Variants in SGSM1 observed in about 807,000 individuals in gnomAD.
The protein encoded by SGSM1 is RUN and TBC1 domain containing 2.
In SGSM1, 73 loss-of-function variants were observed where a neutral mutation model predicts 133.8. That is an observed-to-expected ratio of 0.55 (90% CI 0.45 to 0.66). The LOEUF (loss-of-function observed/expected upper bound fraction) is 0.66, where lower values mean the gene tolerates loss of function less well. Ranked by LOEUF, SGSM1 falls within the 30% of genes least tolerant of loss-of-function variation. The pLI is 0.00. For synonymous variants in SGSM1, 563 were observed against 573.0 expected, an observed-to-expected ratio of 0.98 and a Z score of 0.25; for missense variants, 1,213 against 1,448.1, an observed-to-expected ratio of 0.84 and a Z score of 2.64.
At chr22:24,908,532 G>A (rs1293321862) in intron 21 of SGSM1, among the ~76,000 whole-genome samples, 1 of 152,202 alleles carries the variant, frequency 6.6e-6, no homozygotes, top group Non-Finnish European at 1.5e-5. Context: ...GCCAGGCGCG[G>A]TGGCTCACGC....
intron 4 of SGSM1, among the ~76,000 whole-genome samples, chr22:24,848,439 A>G (rs1201251405): frequency 6.6e-6 from 1 of 152,162 alleles, no homozygotes; most frequent in Non-Finnish European, 1.5e-5. Context: ...AAAAACTCTC[A>G]TACTGAAGTA....
intron 2 of SGSM1, among the ~76,000 whole-genome samples, chr22:24,806,859 G>T (rs1371717798): frequency 6.6e-6 from 1 of 152,102 alleles, no homozygotes; most frequent in African/African-American, 2.4e-5. Flanking sequence ...CCCCCCACAG[G>T]GTGTGCTGGA....
At chr22:24,922,851 G>T (rs1279103383) in intron 24 of SGSM1, among the ~76,000 whole-genome samples, 1 of 152,196 alleles carries the variant, frequency 6.6e-6, no homozygotes, top group Non-Finnish European at 1.5e-5. Context: ...TGGGACCCTG[G>T]GTACAGTGGC....
chr22:24,873,986 C>G (rs62231156), intron 12 of SGSM1, among the ~76,000 whole-genome samples: 11,521 of 152,188 alleles, frequency 0.076, 601 homozygotes, highest in East Asian at 0.14. Flanking sequence ...AATGATAGTA[C>G]TGTACTCAGT....
chr22:24,829,802 G>GA, intron 2 of SGSM1, among the ~76,000 whole-genome samples: 1 of 151,924 alleles, frequency 6.6e-6, no homozygotes, highest in African/African-American at 2.4e-5. Context: ...TGAGTGTCCA[G>GA]AAAAAGTGAA....
Position 24,823,632 on chromosome 22 carries a change from T to A in SGSM1, c.63+17148T>A, listed in dbSNP as rs191895754. Among the ~76,000 whole-genome samples, 1,065 of 150,042 alleles carry A rather than the reference T, an allele frequency of 7.1e-3. 1 individual carries two copies. The highest frequency in any genetic ancestry group is 0.024 in the Middle Eastern group (7 of 288). ...AAAATAAAATAAAATAAAATGAATTTAAAAAAAAATATTGTCTTGGCTGGA... is the reference window on the plus strand; with the variant it reads ...AAAATAAAATAAAATAAAATGAATTAAAAAAAAAATATTGTCTTGGCTGGA... On this transcript the variant is annotated intron_variant, in intron 2 of 24. Transcript: ENST00000400358.
At chr22:24,873,161 C>G (rs750085114) in intron 12 of SGSM1, among the ~76,000 whole-genome samples, 8 of 151,874 alleles carry the variant, frequency 5.3e-5, no homozygotes, top group Non-Finnish European at 8.8e-5. Context: ...GGGGTTTTGC[C>G]ATGTTGCCTA....
intron 13 of SGSM1, among the ~76,000 whole-genome samples, chr22:24,879,252 A>G (rs1932188614): frequency 6.6e-6 from 1 of 152,212 alleles, no homozygotes; most frequent in Non-Finnish European, 1.5e-5. Flanking sequence ...ACAGTTGTGG[A>G]GAGCGTGATT....
chr22:24,922,575 A>G lies in SGSM1; in HGVS notation c.3194-1611A>G, dbSNP rs576910199. Among the ~76,000 whole-genome samples the G allele has an allele frequency of 1.6e-4, 24 of 149,734 alleles. 1 individual carries two copies. The highest frequency in any genetic ancestry group is 6.3e-4 in the South Asian group (3 of 4,758). On this transcript the variant is annotated intron_variant, in intron 24 of 24. Transcript: ENST00000400358. ...ACTGCAAGCTCTGCCTCCCAGGTTC[A>G]TGCCATTCTCCTGCCTTAGCCTCCC...
intron 22 of SGSM1, among the ~76,000 whole-genome samples, chr22:24,917,343 C>T (rs945774833): frequency 2.0e-5 from 3 of 152,174 alleles, no homozygotes; most frequent in Non-Finnish European, 4.4e-5. Context: ...TTCTCTGCAT[C>T]CTCGCCAACA....
chr22:24,812,528 T>G (rs1047659435), intron 2 of SGSM1, among the ~76,000 whole-genome samples: 1 of 152,254 alleles, frequency 6.6e-6, no homozygotes, highest in East Asian at 1.9e-4. Flanking sequence ...GAAACACAGC[T>G]TGGCTTCAGG....
Position 24,924,201 on chromosome 22 carries a change from A to G in SGSM1, c.3209A>G (p.His1070Arg). 3 of 1,613,992 alleles carry G rather than the reference A, an allele frequency of 1.9e-6. No homozygotes were observed. Among genetic ancestry groups the G allele is most frequent in the Non-Finnish European group, 2.5e-6 (3 of 1,179,894 alleles). ...GCTCTTTCAGAAATGGCTGAGCGAC[A>G]CAACACCAAGCAAGTCCTGAAGCTG... The part of the protein sequence containing the change: ...IKFFNEMAER[H>R]NTKQVLKLAR... Residue 1070 changes from histidine (H) to arginine (R), a missense_variant, in exon 25 of 25, where the codon CAC (histidine) becomes CGC (arginine). By Grantham distance (29) the His-to-Arg change is conservative. Transcript: ENST00000400358.
At chr22:24,852,887 C>A (rs1283035043) in intron 5 of SGSM1, among the ~76,000 whole-genome samples, 2 of 152,116 alleles carry the variant, frequency 1.3e-5, no homozygotes, top group Non-Finnish European at 2.9e-5. Flanking sequence ...AGATTTGACA[C>A]CAAAATGTAC....
chr22:24,850,522 C>G (rs1930395900), intron 5 of SGSM1, 90 bp downstream of exon 5: 2 of 1,515,894 alleles, frequency 1.3e-6, no homozygotes, highest in Non-Finnish European at 1.8e-6. Flanking sequence ...AAGCTGCTTT[C>G]TTTTTCCCCT....
chr22:24,914,310 A>AC (rs56201186), intron 22 of SGSM1, among the ~76,000 whole-genome samples: 2 of 149,618 alleles, frequency 1.3e-5, no homozygotes, highest in Non-Finnish European at 3.0e-5. Context: ...AAAAAAAAAA[A>AC]GATACAAAAA....
intron 8 of SGSM1, chr22:24,856,155 C>G (rs1395891730): frequency 5.8e-6 from 2 of 342,752 alleles, no homozygotes; most frequent in African/African-American, 2.1e-5. Context: ...TTCATTGATT[C>G]AGCAAACATT....
intron 20 of SGSM1, 41 bp downstream of exon 20, chr22:24,901,998 TG>T (rs1172023565): frequency 1.8e-6 from 1 of 569,972 alleles, no homozygotes; most frequent in Non-Finnish European, 2.7e-6. Context: ...ATGGGGATGG[TG>T]GGTGGGTGGG....
intron 3 of SGSM1, among the ~76,000 whole-genome samples, chr22:24,846,741 A>C (rs139663): frequency 0.2 from 30,239 of 152,222 alleles, 3,117 homozygotes; most frequent in Middle Eastern, 0.29. Context: ...AAAGTACTGC[A>C]TATGTAAGTT....
Position 24,868,745 on chromosome 22 carries a change from G to C in SGSM1, c.1181G>C (p.Arg394Pro). ...CAGGGCAAAGTGTTTCCTAAACTGC[G>C]CAAGCGAAGCCCTCAGGGTTCTGCC... The part of the protein sequence containing the change: ...RGKGKVFPKL[R>P]KRSPQGSAES... The change falls in exon 12 of 25, where the codon CGC becomes CCC. Residue 394 changes from arginine (R) to proline (P), a missense_variant. By Grantham distance (103) the Arg-to-Pro change is moderately radical (BLOSUM62 -2). Transcript: ENST00000400358. 6.2e-7 allele frequency: 1 copy of C among 1,613,988 alleles called. No individual in the cohort carries two copies. The highest frequency in any genetic ancestry group is 8.5e-7 in the Non-Finnish European group (1 of 1,179,890).
Sources: allele counts gnomAD v4.1 joint callset (sites outside exome capture counted in the v4.1 genomes callset), GRCh38; gene constraint gnomAD v4.1.1; transcripts MANE v1.5; gene names NCBI Gene and HGNC (gene_info 2026-07-23, HGNC 2026-07-21).